ABCB4: variants seen among roughly 807,000 people sequenced by gnomAD.
ABCB4 encodes ATP binding cassette subfamily B member 4.
A neutral mutation model predicts 145.7 loss-of-function variants in ABCB4; 76 were observed. The ratio of observed to expected loss-of-function variants is 0.52; its 90% confidence interval spans 0.43 to 0.63. ABCB4 has a LOEUF of 0.63. ABCB4 is among the 30% of genes least tolerant of loss of function. The pLI, the probability that ABCB4 is intolerant of heterozygous loss-of-function variation, is 0.00. For missense variants in ABCB4, 1,234 were observed against 1,553.1 expected (o/e 0.79, Z 3.45); for synonymous variants, 517 against 566.8 (o/e 0.91, Z 1.25).
In ABCB4 at chr7:87,408,067, C is replaced by G. The variant is rs1808337195; in HGVS notation, c.3249G>C (p.Glu1083Asp). ...TCCCCGCCAAGGGGTCGTAGAACCG[C>G]TCCAGGAGCTGGACCACCGTGCTCT... ...CGKSTVVQLL[E>D]RFYDPLAGTV... Residue 1083 changes from glutamate (E) to aspartate (D), a missense_variant, in exon 25 of 28, where the codon GAG becomes GAC. Glu to Asp is a conservative substitution (Grantham distance 45). Coordinates refer to ENST00000649586, the MANE Select transcript of ABCB4 (RefSeq NM_000443.4). The G allele has an allele frequency of 6.2e-7, 1 of 1,613,990 alleles. No homozygotes were observed. The highest frequency in any genetic ancestry group is 1.1e-5 in the South Asian group (1 of 91,086).
intron 10 of ABCB4, among the ~76,000 whole-genome samples, chr7:87,444,002 C>T (rs1204576575): frequency 6.6e-6 from 1 of 152,148 alleles, no homozygotes; most frequent in Non-Finnish European, 1.5e-5. Context: ...ATATTCATCT[C>T]ATTTCATATA....
At chr7:87,464,630 T>C (rs182658255) in intron 3 of ABCB4, among the ~76,000 whole-genome samples, 6 of 152,324 alleles carry the variant, frequency 3.9e-5, no homozygotes, top group Non-Finnish European at 1.5e-5. Context: ...TAAGTAAACC[T>C]AGGTTTGTTT....
chr7:87,462,413 T>A (rs1812520023), intron 4 of ABCB4, among the ~76,000 whole-genome samples: 1 of 152,182 alleles, frequency 6.6e-6, no homozygotes, highest in South Asian at 2.1e-4. Flanking sequence ...CTGATGTGCT[T>A]TGAAACTCAT....
At chr7:87,432,408 A>T (rs1359707194) in intron 14 of ABCB4, among the ~76,000 whole-genome samples, 3 of 152,240 alleles carry the variant, frequency 2.0e-5, no homozygotes, top group Non-Finnish European at 4.4e-5. Context: ...AATTCACCTA[A>T]GTGGTTAACA....
At chr7:87,376,373 T>C in the ABCB4 span, among the ~76,000 whole-genome samples, 1 of 152,064 alleles carries the variant, frequency 6.6e-6, no homozygotes, top group East Asian at 1.9e-4. Flanking sequence ...TATGTCACCC[T>C]TGTAAGTCAT....
intron 14 of ABCB4, among the ~76,000 whole-genome samples, chr7:87,433,712 C>A (rs1446456029): frequency 3.4e-5 from 5 of 146,322 alleles, no homozygotes; most frequent in Non-Finnish European, 7.4e-5. Flanking sequence ...CCCAGACACC[C>A]TGATGATGAC....
chr7:87,475,664 C>T lies in ABCB4; in HGVS notation c.-37G>A. On this transcript the variant is annotated 5_prime_UTR_variant, in exon 1 of 28. Transcript: ENST00000649586. ...ACCTCGCGCGTGTCTGGCAGGGCCT[C>T]TGGACGCGCGGGCGCTGCAGCAGAG... 1 of 620,380 alleles carries T rather than the reference C, an allele frequency of 1.6e-6. No homozygotes were observed. The highest frequency in any genetic ancestry group is 2.9e-6 in the Non-Finnish European group (1 of 350,716). The allele number at this position is 620,380 out of a possible 1,614,324, so 38.4% of individuals were successfully genotyped here. A position where few individuals can be genotyped will look rare whatever the true frequency, so the allele number is the denominator to read the frequency against.
intron 15 of ABCB4, among the ~76,000 whole-genome samples, chr7:87,427,216 T>G (rs1466889843): frequency 2.6e-5 from 4 of 151,976 alleles, no homozygotes; most frequent in Admixed American, 1.3e-4. Flanking sequence ...TTACTTAATA[T>G]GCAATAATCC....
chr7:87,418,897 G>A (rs1809197950), intron 19 of ABCB4, among the ~76,000 whole-genome samples: 1 of 152,142 alleles, frequency 6.6e-6, no homozygotes, highest in Non-Finnish European at 1.5e-5. Context: ...AAGGCTGGGA[G>A]GCTGGTAGGC....
chr7:87,379,972 A>G, the ABCB4 span, among the ~76,000 whole-genome samples: 1 of 152,122 alleles, frequency 6.6e-6, no homozygotes. Flanking sequence ...TTAGTTGGGC[A>G]TGGTAATGCA....
chr7:87,423,695 T>C lies in ABCB4; in HGVS notation c.2211+211A>G, dbSNP rs144547805. ...GAATGCCTTCTTCATTGATTTTACA[T>C]TTTATAATTTCATTAATATCATAAC... On this transcript the variant is annotated intron_variant, in intron 17 of 27. Coordinates refer to ENST00000649586, the MANE Select transcript of ABCB4 (RefSeq NM_000443.4). 6.2e-4 allele frequency: 371 copies of C among 596,116 alleles called. 5 individuals carry two copies. In the African/African-American group the frequency reaches 6.5e-3, roughly 11 times the overall value. 36.9% of individuals were successfully genotyped at this position (596,116 alleles called of 1,614,324 possible).
intron 16 of ABCB4, among the ~76,000 whole-genome samples, chr7:87,425,344 A>C (rs1377359573): frequency 2.0e-5 from 3 of 152,230 alleles, no homozygotes; most frequent in Admixed American, 6.5e-5. Flanking sequence ...GGAAATGAAA[A>C]GTGGATAATT....
intron 27 of ABCB4, among the ~76,000 whole-genome samples, chr7:87,402,757 T>C (rs1807887140): frequency 6.6e-6 from 1 of 152,172 alleles, no homozygotes; most frequent in Non-Finnish European, 1.5e-5. Context: ...ATCCCAGCAC[T>C]TTGGGAGGCC....
intron 12 of ABCB4, among the ~76,000 whole-genome samples, chr7:87,440,829 C>T (rs1810932514): frequency 6.6e-6 from 1 of 152,122 alleles, no homozygotes; most frequent in South Asian, 2.1e-4. Context: ...CAAGCTCCAC[C>T]TCCCGGGTTC....
intron 26 of ABCB4, 93 bp from the exon 27 acceptor site, chr7:87,403,374 A>G (rs1242297667): frequency 1.6e-6 from 2 of 1,220,000 alleles, no homozygotes; most frequent in Non-Finnish European, 2.4e-6. Context: ...AGTCAATAAC[A>G]GTTTCTATAA....
At chr7:87,472,486 A>C in intron 3 of ABCB4, 135 bp downstream of exon 3, 1 of 765,876 alleles carries the variant, frequency 1.3e-6, no homozygotes. Flanking sequence ...AGTCTCCCAA[A>C]GTGCTGGGAT....
chr7:87,466,732 G>A (rs1364141170), intron 3 of ABCB4, among the ~76,000 whole-genome samples: 1 of 152,200 alleles, frequency 6.6e-6, no homozygotes, highest in Non-Finnish European at 1.5e-5. Flanking sequence ...AGAAGAGAGA[G>A]GGGGCCAATA....
the ABCB4 span, among the ~76,000 whole-genome samples, chr7:87,370,009 A>G: frequency 6.6e-6 from 1 of 152,034 alleles, no homozygotes; most frequent in Non-Finnish European, 1.5e-5. Flanking sequence ...ATAAACTCAT[A>G]GTCAATGCTG....
chr7:87,433,523 T>C (rs1026402253), intron 14 of ABCB4, among the ~76,000 whole-genome samples: 3 of 152,180 alleles, frequency 2.0e-5, no homozygotes, highest in Non-Finnish European at 4.4e-5. Flanking sequence ...TGTCAACATA[T>C]ATACACAAAG....
Sources: allele counts gnomAD v4.1 joint callset (sites outside exome capture counted in the v4.1 genomes callset), GRCh38; gene constraint gnomAD v4.1.1; transcripts MANE v1.5; gene names NCBI Gene and HGNC (gene_info 2026-07-23, HGNC 2026-07-21).